The following PTPRM variants were observed in gnomAD, a reference collection of about 807,000 sequenced individuals.
PTPRM encodes receptor-type tyrosine-protein phosphatase mu.
Under a neutral mutation model 186.7 loss-of-function variants are expected in PTPRM, and 47 were observed. That is an observed-to-expected ratio of 0.25 (90% confidence interval 0.20 to 0.32). The LOEUF (loss-of-function observed/expected upper bound fraction) is 0.32. Ranked by LOEUF, PTPRM falls within the 10% of genes least tolerant of loss-of-function variation. The pLI is 1.00. For missense variants in PTPRM, 1,494 were observed against 1,865.0 expected (o/e 0.80, Z 3.66); for synonymous variants, 668 against 674.9 (o/e 0.99, Z 0.16).
In PTPRM at chr18:8,346,328, G is replaced by A. The variant is rs540369260; in HGVS notation, c.3054+2808G>A. Among the ~76,000 whole-genome samples, 11 of 152,346 alleles carry A rather than the reference G, an allele frequency of 7.2e-5. No individual in the cohort carries two copies. In the East Asian group the frequency reaches 7.7e-4, roughly 11 times the overall value. On this transcript the variant is annotated intron_variant, in intron 23 of 32. Coordinates refer to ENST00000580170, the MANE Select transcript of PTPRM (RefSeq NM_001105244.2). ...TCTGGAGGCTGGAAAGTCCCAATCC[G>A]GGTCTGGCAGGATTCTGCTTCTGGT...
intron 10 of PTPRM, among the ~76,000 whole-genome samples, chr18:8,086,179 C>A (rs1466906410): frequency 6.6e-6 from 1 of 152,102 alleles, no homozygotes; most frequent in Non-Finnish European, 1.5e-5. Flanking sequence ...GTTGCCAGAG[C>A]AGTACTGTTG....
intron 2 of PTPRM, among the ~76,000 whole-genome samples, chr18:7,842,248 A>C (rs1447904532): frequency 1.3e-5 from 2 of 152,222 alleles, no homozygotes; most frequent in Non-Finnish European, 2.9e-5. Flanking sequence ...ATGTGAGAAC[A>C]ATAGGTATAA....
chr18:8,079,970 CAA>C (rs1225309815), intron 9 of PTPRM, among the ~76,000 whole-genome samples: 1 of 151,826 alleles, frequency 6.6e-6, no homozygotes, highest in African/African-American at 2.4e-5. Context: ...ATAAAATGGA[CAA>C]AGACACTTCA....
chr18:7,769,566 T>A (rs945376344), intron 1 of PTPRM, among the ~76,000 whole-genome samples: 10 of 152,216 alleles, frequency 6.6e-5, no homozygotes, highest in African/African-American at 2.2e-4. Context: ...AGTGACTTTT[T>A]AAAAAATTTT....
chr18:7,623,040 A>C (rs1178537788), intron 1 of PTPRM, among the ~76,000 whole-genome samples: 2 of 152,074 alleles, frequency 1.3e-5, no homozygotes, highest in African/African-American at 4.8e-5. Context: ...CTTGTGTAAA[A>C]TTTTTATGAT....
intron 5 of PTPRM, among the ~76,000 whole-genome samples, chr18:7,935,690 A>G (rs930110316): frequency 6.6e-6 from 1 of 152,044 alleles, no homozygotes; most frequent in Non-Finnish European, 1.5e-5. Flanking sequence ...ATTTTAGGTC[A>G]GAGGGTACAC....
chr18:8,296,302 C>G, intron 19 of PTPRM, 66 bp from the exon 20 acceptor site: 1 of 995,120 alleles, frequency 1.0e-6, no homozygotes, highest in Non-Finnish European at 1.6e-6. Context: ...TAAGAACATC[C>G]TCCATCGTTA....
intron 14 of PTPRM, among the ~76,000 whole-genome samples, chr18:8,236,864 CTGACATT>C (rs1210556411): frequency 1.3e-5 from 2 of 152,120 alleles, no homozygotes; most frequent in African/African-American, 4.8e-5. Context: ...ATTTAGACTA[CTGACATT>C]TACATGATTA....
At chr18:7,616,222 T>A (rs1479011379) in intron 1 of PTPRM, among the ~76,000 whole-genome samples, 1 of 152,142 alleles carries the variant, frequency 6.6e-6, no homozygotes, top group African/African-American at 2.4e-5. Context: ...GGTGGTGCCA[T>A]CACTGCTCAC....
chr18:8,233,710 A>C (rs530351600), intron 14 of PTPRM, among the ~76,000 whole-genome samples: 2 of 152,146 alleles, frequency 1.3e-5, no homozygotes, highest in Non-Finnish European at 2.9e-5. Context: ...TTTAACTGAA[A>C]AGTCATTGCC....
At chr18:8,211,311 G>A (rs186201576) in intron 14 of PTPRM, among the ~76,000 whole-genome samples, 509 of 150,630 alleles carry the variant, frequency 3.4e-3, no homozygotes, top group African/African-American at 0.012. Context: ...AGTCATCTCA[G>A]CATCAGAACA....
At chr18:8,264,641 C>T (rs1429215546) in intron 19 of PTPRM, among the ~76,000 whole-genome samples, 1 of 151,894 alleles carries the variant, frequency 6.6e-6, no homozygotes, top group Non-Finnish European at 1.5e-5. Flanking sequence ...TGGTGGTGCG[C>T]ACCTGTAGTC....
intron 23 of PTPRM, chr18:8,360,934 T>C (rs1433304478): frequency 6.6e-6 from 1 of 152,220 alleles, no homozygotes; most frequent in Non-Finnish European, 1.5e-5. Context: ...ACCAACAGTG[T>C]ACGTGTAGGA....
chr18:7,718,066 T>A (rs566612600), intron 1 of PTPRM, among the ~76,000 whole-genome samples: 6 of 150,946 alleles, frequency 4.0e-5, no homozygotes, highest in South Asian at 4.2e-4. Context: ...AAAAAAAAAA[T>A]TTAAATTCAT....
intron 23 of PTPRM, among the ~76,000 whole-genome samples, chr18:8,346,875 G>A (rs577966625): frequency 6.6e-6 from 1 of 151,984 alleles, no homozygotes; most frequent in East Asian, 1.9e-4. Context: ...TTGCTCAGCA[G>A]CCTCTCCCTC....
rs140267724 is a variant in PTPRM, at chr18:8,150,757, G to A, written c.2300+6978G>A. Among the ~76,000 whole-genome samples the A allele has an allele frequency of 2.8e-3, 431 of 152,214 alleles. 2 individuals carry two copies. Among genetic ancestry groups the A allele is most frequent in the African/African-American group, 9.3e-3 (386 of 41,528 alleles). On this transcript the variant is annotated intron_variant, in intron 14 of 32. Transcript: ENST00000580170. ...GTTTTGGAATTTTCAGGCTTTTTGC[G>A]CTGGTTTCTCCCCATCTTTATGGAT...
chr18:8,290,375 C>A (rs1161891999), intron 19 of PTPRM, among the ~76,000 whole-genome samples: 1 of 152,104 alleles, frequency 6.6e-6, no homozygotes, highest in East Asian at 1.9e-4. Flanking sequence ...TTCTTTCTGG[C>A]AGCTTTTCTG....
At chr18:7,673,158 C>T (rs1287756074) in intron 1 of PTPRM, among the ~76,000 whole-genome samples, 2 of 152,206 alleles carry the variant, frequency 1.3e-5, no homozygotes, top group Admixed American at 1.3e-4. Context: ...AAGCTGGCTG[C>T]TCTTCCTATG....
chr18:8,108,897 A>C (rs1393335828), intron 11 of PTPRM, among the ~76,000 whole-genome samples: 2 of 152,224 alleles, frequency 1.3e-5, no homozygotes, highest in African/African-American at 4.8e-5. Flanking sequence ...GGACAGGGCT[A>C]GGGTGGTGCA....
Sources: gnomAD v4.1 joint callset for allele counts (sites outside exome capture counted in the v4.1 genomes callset) on GRCh38, gnomAD v4.1.1 for gene constraint, MANE v1.5 for transcripts, NCBI Gene and HGNC (gene_info 2026-07-23, HGNC 2026-07-21) for gene names.